Variants in SLC37A1 observed in about 807,000 individuals in gnomAD.
The protein encoded by SLC37A1 is glucose-6-phosphate exchanger SLC37A1.
A neutral mutation model predicts 75.3 loss-of-function variants in SLC37A1; 49 were observed. The ratio of observed to expected loss-of-function variants is 0.65; its 90% CI spans 0.52 to 0.83. The LOEUF (loss-of-function observed/expected upper bound fraction) is 0.83, where lower values mean the gene tolerates loss of function less well. Ranked by LOEUF, SLC37A1 falls within the 40% of genes least tolerant of loss-of-function variation. The pLI is 0.00. For synonymous variants in SLC37A1, 268 were observed against 292.1 expected, an observed-to-expected ratio of 0.92 and a Z score of 0.84; for missense variants, 566 against 695.0, an observed-to-expected ratio of 0.81 and a Z score of 2.09.
At chr21:42,509,946 C>T (rs1039432970), upstream of SLC37A1, among the ~76,000 whole-genome samples, 1 of 152,246 alleles carries the variant, frequency 6.6e-6, no homozygotes, top group African/African-American at 2.4e-5. The surrounding 1 kb of genome is among the most constrained non-coding windows in gnomAD (Gnocchi z 4.2). Flanking sequence ...CCCTGTCAGT[C>T]AAGGCCTGTC....
In SLC37A1 at chr21:42,562,180, C is replaced by G; in HGVS notation, c.1072+12C>G. Reference sequence around the variant, plus strand: ...CATCACGAATGTGGGTGAGTATCCACGCTAGAACACATTAAATTCCGCACA... The same window carrying G: ...CATCACGAATGTGGGTGAGTATCCAGGCTAGAACACATTAAATTCCGCACA... On this transcript the variant is annotated intron_variant, in intron 12 of 19. Coordinates refer to ENST00000352133, the MANE Select transcript of SLC37A1 (RefSeq NM_001320537.2). The G allele has an allele frequency of 1.2e-6, 2 of 1,610,460 alleles. No homozygotes were observed. Among genetic ancestry groups the G allele is most frequent in the Non-Finnish European group, 1.7e-6 (2 of 1,176,722 alleles).
At chr21:42,556,537 T>C (rs1185365942) in intron 10 of SLC37A1, among the ~76,000 whole-genome samples, 5 of 152,242 alleles carry the variant, frequency 3.3e-5, no homozygotes, top group Non-Finnish European at 5.9e-5. Flanking sequence ...TGTATTTTTG[T>C]TGTGTGTGGG....
chr21:42,559,119 GA>G, intron 11 of SLC37A1, 30 bp downstream of exon 11: 2 of 1,601,924 alleles, frequency 1.2e-6, no homozygotes, highest in Non-Finnish European at 1.7e-6. Flanking sequence ...AGGAGTTTCA[GA>G]AAGGGCTGCT....
In SLC37A1 at chr21:42,527,720, G is replaced by C. The variant is rs567300412; in HGVS notation, c.138+1863G>C. Among the ~76,000 whole-genome samples, 19 of 152,244 alleles carry C rather than the reference G, an allele frequency of 1.2e-4. No homozygotes were observed. The South Asian group carries it at 3.9e-3, about 32-fold the overall frequency. ...CTCTCTGTGCCTCAGGGTTTGTCCG[G>C]GTTTAATTACCTGAGTACAGTCCCA... On this transcript the variant is annotated intron_variant, in intron 3 of 19. Transcript: ENST00000352133.
intron 17 of SLC37A1, among the ~76,000 whole-genome samples, chr21:42,569,668 CG>C (rs1444259231): frequency 6.6e-6 from 1 of 152,272 alleles, no homozygotes; most frequent in African/African-American, 2.4e-5. Context: ...GCCCCTCTCC[CG>C]GGTCTGTTCT....
chr21:42,558,159 T>C (rs773410019), intron 10 of SLC37A1, among the ~76,000 whole-genome samples: 4 of 152,210 alleles, frequency 2.6e-5, no homozygotes, highest in African/African-American at 7.2e-5. Flanking sequence ...TTTTATGTTA[T>C]CCTTGCTCTG....
chr21:42,562,033 C>T, intron 11 of SLC37A1, 45 bp from the exon 12 acceptor site: 1 of 1,481,362 alleles, frequency 6.8e-7, no homozygotes, highest in Non-Finnish European at 9.4e-7. Context: ...CACACACCTG[C>T]TGACTCCACA....
chr21:42,560,176 T>C (rs1230388384), intron 11 of SLC37A1, among the ~76,000 whole-genome samples: 5 of 152,182 alleles, frequency 3.3e-5, no homozygotes, highest in Non-Finnish European at 7.3e-5. Context: ...TTTCAGTTTT[T>C]ATTACATTGA....
At chr21:42,505,003 C>T (rs1048824497) in intron 2 of SLC37A1, among the ~76,000 whole-genome samples, 4 of 152,140 alleles carry the variant, frequency 2.6e-5, no homozygotes, top group Admixed American at 1.3e-4. Flanking sequence ...TTTCCATTCC[C>T]ACTGCTTCTT....
chr21:42,575,649 A>G (rs2056292544), intron 18 of SLC37A1: 16 of 985,418 alleles, frequency 1.6e-5, no homozygotes, highest in Non-Finnish European at 1.9e-5. Flanking sequence ...ACCCACAGCC[A>G]TGCCTCTCCT....
chr21:42,515,508 G>C (rs979939272), intron 1 of SLC37A1, among the ~76,000 whole-genome samples: 1 of 152,196 alleles, frequency 6.6e-6, no homozygotes, highest in African/African-American at 2.4e-5. Context: ...TTGAGTCTCT[G>C]CAGATTACTT....
Position 42,539,718 on chromosome 21 carries a change from C to T in SLC37A1, c.486+71C>T, listed in dbSNP as rs571107371. On this transcript the variant is annotated intron_variant, in intron 6 of 19. Coordinates refer to ENST00000352133, the MANE Select transcript of SLC37A1 (RefSeq NM_001320537.2). ...TGAATAGGGTGGAGTGTTTATGTCACGTCACCTCTGTCAAGGTGTTGGGAA... is the reference window on the plus strand; with the variant it reads ...TGAATAGGGTGGAGTGTTTATGTCATGTCACCTCTGTCAAGGTGTTGGGAA... The T allele has an allele frequency of 2.8e-5, 41 of 1,477,880 alleles. 1 individual carries two copies. The East Asian group carries it at 5.5e-4, about 20-fold the overall frequency. 91.5% of individuals were successfully genotyped at this position (1,477,880 alleles called of 1,614,324 possible). A position where few individuals can be genotyped will look rare whatever the true frequency, so the allele number is the denominator to read the frequency against.
chr21:42,537,170 C>T lies in SLC37A1; in HGVS notation c.350+1620C>T, dbSNP rs1178296918. Among the ~76,000 whole-genome samples the T allele has an allele frequency of 2.0e-5, 3 of 152,142 alleles. No individual in the cohort carries two copies. The East Asian group carries it at 5.8e-4, about 29-fold the overall frequency. On this transcript the variant is annotated intron_variant, in intron 5 of 19. Transcript: ENST00000352133. ...TGTTGGAGGAGAGTGCATAGCTCTC[C>T]CTTTATTGAACGTGTGTATTTGCCT...
At chr21:42,554,718 A>G (rs2055639539) in intron 10 of SLC37A1, among the ~76,000 whole-genome samples, 1 of 152,224 alleles carries the variant, frequency 6.6e-6, no homozygotes, top group African/African-American at 2.4e-5. Flanking sequence ...CAGATGAGGA[A>G]TTCCGGACAC....
chr21:42,518,276 G>C lies in SLC37A1; in HGVS notation c.-178-1G>C. ...CTGAATGCCTCTCCTCCTCCTTGTA[G>C]AGAGCAGAGCCACTGCCAGAAGGAA... On this transcript the variant is annotated splice_acceptor_variant, in intron 1 of 19. Transcript: ENST00000352133. LOFTEE classifies it low-confidence loss of function (5UTR_SPLICE). 1 of 678,534 alleles carries C rather than the reference G, an allele frequency of 1.5e-6. No individual in the cohort carries two copies. The highest frequency in any genetic ancestry group is 1.7e-5 in the South Asian group (1 of 58,248). The allele number at this position is 678,534 out of a possible 1,614,324, so 42.0% of individuals were successfully genotyped here. A position where few individuals can be genotyped will look rare whatever the true frequency, so the allele number is the denominator to read the frequency against.
chr21:42,568,222 G>T (rs1457728863), intron 16 of SLC37A1, 138 bp from the exon 17 acceptor site: 4 of 687,714 alleles, frequency 5.8e-6, no homozygotes, highest in African/African-American at 1.8e-5. Context: ...GGCAAGCTTG[G>T]GGTGGAGTTT....
chr21:42,544,881 G>A (rs570456953), intron 8 of SLC37A1, among the ~76,000 whole-genome samples: 16 of 152,322 alleles, frequency 1.1e-4, no homozygotes, highest in African/African-American at 3.4e-4. Flanking sequence ...GCCTCTCTTT[G>A]TTAGCGCACA....
chr21:42,580,287 T>C (rs1184225035), intron 19 of SLC37A1, 58 bp from the exon 20 acceptor site: 3 of 1,588,162 alleles, frequency 1.9e-6, no homozygotes, highest in Non-Finnish European at 2.6e-6. Context: ...AAGTTCAGCA[T>C]CTCTTGCTGA....
At chr21:42,564,370 CAG>C (rs2055917665) in intron 13 of SLC37A1, among the ~76,000 whole-genome samples, 1 of 152,044 alleles carries the variant, frequency 6.6e-6, no homozygotes, top group Non-Finnish European at 1.5e-5. Context: ...GCCTGGGTGA[CAG>C]AGTGAGACCC....
Sources: gnomAD v4.1 joint callset for allele counts (sites outside exome capture counted in the v4.1 genomes callset) on GRCh38, gnomAD v4.1.1 for gene constraint, Gnocchi (gnomAD v3.1) non-coding constraint, MANE v1.5 for transcripts, NCBI Gene and HGNC (gene_info 2026-07-23, HGNC 2026-07-21) for gene names.